Variants in PPARD observed in about 807,000 individuals in gnomAD.
PPARD encodes the protein peroxisome proliferator activated receptor delta.
In PPARD, 6 loss-of-function variants were observed where a neutral mutation model predicts 39.5. The observed-to-expected ratio is 0.15, with a 90% CI of 0.08 to 0.30. The LOEUF is 0.30. PPARD is among the 10% of genes least tolerant of loss of function. The pLI, the probability that PPARD is intolerant of heterozygous loss-of-function variation, is 1.00. For missense variants in PPARD, 397 were observed against 596.8 expected (o/e 0.67, Z 3.49); for synonymous variants, 210 against 231.3 (o/e 0.91, Z 0.83).
intron 2 of PPARD, among the ~76,000 whole-genome samples, chr6:35,396,483 C>T (rs1265785137): frequency 8.2e-5 from 12 of 145,676 alleles, no homozygotes; most frequent in Non-Finnish European, 1.5e-5. Context: ...GGATTACAGG[C>T]GTGAGCCACC....
chr6:35,398,031 T>C lies in PPARD; in HGVS notation c.-101-12956T>C, dbSNP rs550549253. On this transcript the variant is annotated intron_variant, in intron 2 of 7. Coordinates refer to ENST00000360694, the MANE Select transcript of PPARD (RefSeq NM_006238.5). ...CGAGACCAGCAGGAGGCCGTGTGCC[T>C]GGTACTTAATATACCAGAAGGAGTG... Among the ~76,000 whole-genome samples the C allele has an allele frequency of 1.6e-4, 25 of 152,292 alleles. No homozygotes were observed. In the South Asian group the frequency reaches 4.4e-3, roughly 27 times the overall value.
In PPARD at chr6:35,415,778, C is replaced by CTGTGTGTG. The variant is rs369825175; in HGVS notation, c.131-4331_131-4324dup. ...TCAGGGTTCTCCAGAGAAGGAGAAC[C>CTGTGTGTG]TGTGTGTGTGTGTGTGTGTGTGTGT... On this transcript the variant is annotated intron_variant, in intron 3 of 7. Transcript: ENST00000360694. Among the ~76,000 whole-genome samples, 34 of 143,850 alleles carry CTGTGTGTG rather than the reference C, an allele frequency of 2.4e-4. 1 individual carries two copies. The highest frequency in any genetic ancestry group is 7.8e-4 in the African/African-American group (28 of 36,004). 94.4% of individuals were successfully genotyped at this position (143,850 alleles called of 152,430 possible).
chr6:35,375,761 C>T (rs1161550206), intron 2 of PPARD, among the ~76,000 whole-genome samples: 1 of 151,998 alleles, frequency 6.6e-6, no homozygotes, highest in Non-Finnish European at 1.5e-5. Flanking sequence ...ACTGTGTTGC[C>T]CAGGCTCGTC....
intron 2 of PPARD, among the ~76,000 whole-genome samples, chr6:35,372,449 G>A (rs1253756118): frequency 1.3e-5 from 2 of 152,228 alleles, no homozygotes; most frequent in East Asian, 1.9e-4. Context: ...AAAGTGCTGG[G>A]ATTACAGGTG....
At chr6:35,384,918 A>G (rs1371034909) in intron 2 of PPARD, among the ~76,000 whole-genome samples, 1 of 126,526 alleles carries the variant, frequency 7.9e-6, no homozygotes, top group African/African-American at 3.5e-5. Flanking sequence ...CTGGGAAGTG[A>G]GGAGCCCCTC....
chr6:35,413,925 C>T (rs979284484), intron 3 of PPARD, among the ~76,000 whole-genome samples: 8 of 152,200 alleles, frequency 5.3e-5, no homozygotes, highest in South Asian at 2.1e-4. Context: ...GTGATCCTCC[C>T]GCCTCGGCCT....
chr6:35,406,851 T>C (rs1048882945), intron 2 of PPARD, among the ~76,000 whole-genome samples: 2 of 152,200 alleles, frequency 1.3e-5, no homozygotes, highest in East Asian at 3.9e-4. Flanking sequence ...CACGGCCCAG[T>C]GCACACAGCT....
At chr6:35,360,440 G>A (rs1310582314) in intron 2 of PPARD, among the ~76,000 whole-genome samples, 1 of 152,204 alleles carries the variant, frequency 6.6e-6, no homozygotes, top group Non-Finnish European at 1.5e-5. Flanking sequence ...CCTGCAAGAG[G>A]TGTGTAGTGG....
chr6:35,403,683 A>G (rs1299688484), intron 2 of PPARD, among the ~76,000 whole-genome samples: 1 of 152,128 alleles, frequency 6.6e-6, no homozygotes, highest in Non-Finnish European at 1.5e-5. Flanking sequence ...CAGTTAGCAG[A>G]CATTGCAGTT....
chr6:35,348,512 T>G, intron 2 of PPARD: 2 of 985,426 alleles, frequency 2.0e-6, no homozygotes, highest in African/African-American at 1.7e-5. Flanking sequence ...AAGGCTGGGT[T>G]GTTGTGGGTC....
At chr6:35,415,716 G>T (rs1444642931) in intron 3 of PPARD, among the ~76,000 whole-genome samples, 1 of 151,614 alleles carries the variant, frequency 6.6e-6, no homozygotes, top group Admixed American at 6.6e-5. Flanking sequence ...GAATTGCATG[G>T]TTCTAGGTTA....
At position 35,426,070 on chromosome 6, in the gene PPARD, CAT is replaced by C. The variant is rs749950788; in HGVS notation, c.1318_1319del (p.Met440ValfsTer24). The C allele has an allele frequency of 6.2e-7, 1 of 1,612,218 alleles. No homozygotes were observed. The highest frequency in any genetic ancestry group is 1.1e-5 in the South Asian group (1 of 91,072). ...CTCTGCTCCAGGAGATCTACAAGGA[CAT>C]GTACTAACGGCGGCACCCAGGCCTC... is the stretch of plus-strand genomic sequence containing the variant. The part of the protein sequence containing the change: ...HPLLQEIYKD[M>X]Y On this transcript the variant is annotated frameshift_variant, in exon 8 of 8. Transcript: ENST00000360694. LOFTEE classifies it high-confidence loss of function.
chr6:35,358,145 A>G (rs1014661076), intron 2 of PPARD, among the ~76,000 whole-genome samples: 3 of 152,228 alleles, frequency 2.0e-5, no homozygotes, highest in South Asian at 2.1e-4. Flanking sequence ...TGCAATCCCA[A>G]GTGTCCTTAT....
intron 2 of PPARD, among the ~76,000 whole-genome samples, chr6:35,399,285 AGCTACTCTG>A (rs532959205): frequency 4.6e-5 from 7 of 150,778 alleles, no homozygotes; most frequent in Non-Finnish European, 1.0e-4. Context: ...CTGTAATCCC[AGCTACTCTG>A]GAGGCTGAGA....
Position 35,366,663 on chromosome 6 carries a change from C to T in PPARD, c.-102+19513C>T, listed in dbSNP as rs1443066083. 1.3e-5 allele frequency among the ~76,000 whole-genome samples: 2 copies of T among 151,970 alleles called. No individual in the cohort carries two copies. The highest frequency in any genetic ancestry group is 3.9e-4 in the East Asian group (2 of 5,176). ...CTCCCGGGTTCAAGCAATTCTAGTG[C>T]CTCAGCCTCCTTAGTGGCTGTGACT... On this transcript the variant is annotated intron_variant, in intron 2 of 7. Coordinates refer to ENST00000360694, the MANE Select transcript of PPARD (RefSeq NM_006238.5). The surrounding 1 kb of genome is among the most constrained non-coding windows in gnomAD (Gnocchi z 4.6).
rs537864246 is a variant in PPARD, at chr6:35,408,682, C to G, written c.-101-2305C>G. Among the ~76,000 whole-genome samples, 4 of 152,324 alleles carry G rather than the reference C, an allele frequency of 2.6e-5. No homozygotes were observed. The East Asian group carries it at 7.7e-4, about 29-fold the overall frequency. ...ATTGCTTGGCTCTGGGGGTGGGTGCCAGAGGCATGCAGGTGCCCAAGGGCC... is the reference window on the plus strand; with the variant it reads ...ATTGCTTGGCTCTGGGGGTGGGTGCGAGAGGCATGCAGGTGCCCAAGGGCC... On this transcript the variant is annotated intron_variant, in intron 2 of 7. Coordinates refer to ENST00000360694, the MANE Select transcript of PPARD (RefSeq NM_006238.5).
chr6:35,355,552 TA>T (rs1171537260), intron 2 of PPARD, among the ~76,000 whole-genome samples: 2,446 of 59,400 alleles, frequency 0.041, 209 homozygotes, highest in African/African-American at 0.17. Flanking sequence ...GCCCTGTCTG[TA>T]AAAAAAAAAA....
At chr6:35,375,654 A>G (rs544631683) in intron 2 of PPARD, among the ~76,000 whole-genome samples, 138 of 152,216 alleles carry the variant, frequency 9.1e-4, no homozygotes, top group African/African-American at 2.6e-3. Context: ...GGCTCAAGCA[A>G]TCCTCCCACC....
intron 2 of PPARD, among the ~76,000 whole-genome samples, chr6:35,370,849 T>C (rs892545277): frequency 6.6e-6 from 1 of 152,224 alleles, no homozygotes; most frequent in Non-Finnish European, 1.5e-5. Context: ...GCAGCTCTTG[T>C]GTGTAGCAGG....
Sources: allele counts gnomAD v4.1 joint callset (sites outside exome capture counted in the v4.1 genomes callset), GRCh38; gene constraint gnomAD v4.1.1; non-coding constraint Gnocchi (gnomAD v3.1); transcripts MANE v1.5; gene names NCBI Gene and HGNC (gene_info 2026-07-23, HGNC 2026-07-21).